The following BAALC variants were observed in gnomAD, a reference collection of about 807,000 sequenced individuals.
BAALC encodes BAALC binder of MAP3K1 and KLF4.
In BAALC, 9 loss-of-function variants were observed where a neutral mutation model predicts 15.5. That is an observed-to-expected ratio of 0.58 (90% CI 0.35 to 1.02). The LOEUF (loss-of-function observed/expected upper bound fraction) is 1.02. Ranked by LOEUF, BAALC falls within the 50% of genes least tolerant of loss-of-function variation. The probability of loss-of-function intolerance (pLI) is 0.02; values close to 1 mark genes in which losing one functional copy is unlikely to be tolerated. For synonymous variants in BAALC, 80 were observed against 74.6 expected (o/e 1.07, Z -0.37); for missense variants, 201 against 192.4 (o/e 1.04, Z -0.27).
rs147798532 is a variant in BAALC at position 103,196,143 on chromosome 8, C to T, written c.161-16776C>T. Among the ~76,000 whole-genome samples the T allele has an allele frequency of 3.7e-3, 561 of 152,242 alleles. 4 individuals carry two copies. Among genetic ancestry groups the T allele is most frequent in the Non-Finnish European group, 3.0e-3 (206 of 68,024 alleles). The stretch of plus-strand genomic sequence containing the variant: ...AGAGGACAGAGAGAAGTGCATAAGC[C>T]CATCAGGCCAGAAGAAGCAGGAGAG... On this transcript the variant is annotated intron_variant, in intron 1 of 2. Transcript: ENST00000309982.
intron 2 of BAALC, among the ~76,000 whole-genome samples, chr8:103,224,704 G>A (rs1586446902): frequency 6.6e-6 from 1 of 152,266 alleles, no homozygotes; most frequent in East Asian, 1.9e-4. Context: ...AAAGGAAGGG[G>A]AAAGGGGATT....
intron 1 of BAALC, among the ~76,000 whole-genome samples, chr8:103,164,438 C>T (rs765447439): frequency 2.0e-5 from 3 of 152,168 alleles, no homozygotes; most frequent in Non-Finnish European, 4.4e-5. Flanking sequence ...TCTGACTTTT[C>T]TTCAGTTCAT....
chr8:103,206,918 G>A (rs927630618), intron 1 of BAALC, among the ~76,000 whole-genome samples: 2 of 152,170 alleles, frequency 1.3e-5, no homozygotes, highest in African/African-American at 4.8e-5. Flanking sequence ...CTGGGCTATT[G>A]TACCCACTCT....
At chr8:103,223,447 T>C (rs574380070) in intron 2 of BAALC, among the ~76,000 whole-genome samples, 1 of 152,316 alleles carries the variant, frequency 6.6e-6, no homozygotes, top group South Asian at 2.1e-4. Context: ...ATTTCCTTCA[T>C]TTTTCAGATA....
chr8:103,173,720 A>G (rs1047698762), intron 1 of BAALC, among the ~76,000 whole-genome samples: 1 of 152,238 alleles, frequency 6.6e-6, no homozygotes, highest in Non-Finnish European at 1.5e-5. Context: ...CAAACTTTAT[A>G]CTTAAAGTTC....
intron 1 of BAALC, chr8:103,154,637 ATCAGG>A (rs1811050402): frequency 6.8e-6 from 1 of 146,314 alleles, no homozygotes; most frequent in Admixed American, 6.9e-5. Flanking sequence ...GGGCAATGGG[ATCAGG>A]TGCCTCAAAG....
chr8:103,180,225 A>T (rs1369331569), intron 1 of BAALC, among the ~76,000 whole-genome samples: 1 of 152,250 alleles, frequency 6.6e-6, no homozygotes, highest in Non-Finnish European at 1.5e-5. Context: ...CTAGAGTTCC[A>T]GGAAGAAGAG....
chr8:103,158,398 A>G (rs1017471425), intron 1 of BAALC, among the ~76,000 whole-genome samples: 2 of 152,232 alleles, frequency 1.3e-5, no homozygotes, highest in African/African-American at 4.8e-5. Context: ...TGAAGCCACA[A>G]TTAGTACAAA....
intron 2 of BAALC, among the ~76,000 whole-genome samples, chr8:103,226,462 G>C (rs995388813): frequency 1.3e-5 from 2 of 152,176 alleles, no homozygotes; most frequent in Admixed American, 1.3e-4. Flanking sequence ...TCCCTGCAGC[G>C]AGGCAGCAGG....
intron 1 of BAALC, among the ~76,000 whole-genome samples, chr8:103,157,329 ATT>A (rs1176968465): frequency 6.6e-6 from 1 of 152,052 alleles, no homozygotes; most frequent in Non-Finnish European, 1.5e-5. Context: ...ATATATATAT[ATT>A]TGGATAATAT....
chr8:103,159,461 A>G (rs1255550598), intron 1 of BAALC, among the ~76,000 whole-genome samples: 3 of 152,208 alleles, frequency 2.0e-5, no homozygotes, highest in African/African-American at 7.2e-5. Flanking sequence ...GTCTGAGTAA[A>G]TGCCAAATGT....
At chr8:103,166,330 T>C (rs1811345734) in intron 1 of BAALC, 1 of 152,628 alleles carries the variant, frequency 6.6e-6, no homozygotes, top group Non-Finnish European at 1.5e-5. Flanking sequence ...GAGAGACAGA[T>C]AAAGAGAAGG....
At chr8:103,226,645 ATATACT>A (rs1268295742) in intron 2 of BAALC, among the ~76,000 whole-genome samples, 3 of 152,234 alleles carry the variant, frequency 2.0e-5, no homozygotes, top group Non-Finnish European at 2.9e-5. Flanking sequence ...GACTGGACAC[ATATACT>A]TAAAGAACCT....
At chr8:103,180,732 G>A (rs1453201962) in intron 1 of BAALC, among the ~76,000 whole-genome samples, 2 of 152,142 alleles carry the variant, frequency 1.3e-5, no homozygotes, top group African/African-American at 4.8e-5. Context: ...CCTTCCTTGG[G>A]GAAACCCTTT....
chr8:103,153,640 T>A (rs1811027278), intron 1 of BAALC, among the ~76,000 whole-genome samples: 1 of 152,248 alleles, frequency 6.6e-6, no homozygotes, highest in Non-Finnish European at 1.5e-5. Context: ...TGCCAGCTAA[T>A]ATTCCATGGC....
At chr8:103,181,712 A>T (rs1205504571) in intron 1 of BAALC, among the ~76,000 whole-genome samples, 1 of 152,186 alleles carries the variant, frequency 6.6e-6, no homozygotes, top group East Asian at 1.9e-4. Flanking sequence ...AGCCATAACA[A>T]AATAAATGAG....
At chr8:103,212,856 G>T in intron 1 of BAALC, 63 bp from the exon 2 acceptor site, 1 of 1,496,756 alleles carries the variant, frequency 6.7e-7, no homozygotes, top group Non-Finnish European at 9.0e-7. Context: ...CACCATTTTG[G>T]GATTGTTTGC....
At chr8:103,171,443 A>AAG (rs1811491478) in intron 1 of BAALC, among the ~76,000 whole-genome samples, 1 of 151,460 alleles carries the variant, frequency 6.6e-6, no homozygotes, top group African/African-American at 2.4e-5. Flanking sequence ...AAGAAAGAGA[A>AAG]AGAAAGTAAG....
At chr8:103,149,039 A>G (rs1433994727) in intron 1 of BAALC, among the ~76,000 whole-genome samples, 1 of 152,218 alleles carries the variant, frequency 6.6e-6, no homozygotes, top group African/African-American at 2.4e-5. Flanking sequence ...GCTGGGATTC[A>G]GTGAGATGAA....
Sources: allele counts gnomAD v4.1 joint callset (sites outside exome capture counted in the v4.1 genomes callset), GRCh38; gene constraint gnomAD v4.1.1; transcripts MANE v1.5; gene names NCBI Gene and HGNC (gene_info 2026-07-23, HGNC 2026-07-21).